The following PAK3 variants were observed in gnomAD, a reference collection of about 807,000 sequenced individuals.
The protein encoded by PAK3 is p21 (RAC1) activated kinase 3.
PAK3 carries 4 observed loss-of-function variants against 41.0 expected under a neutral mutation model. That is an observed-to-expected ratio of 0.10 (90% confidence interval 0.05 to 0.22). The LOEUF is 0.22. Ranked by LOEUF, PAK3 falls within the 10% of genes least tolerant of loss-of-function variation. The probability of loss-of-function intolerance (pLI) is 1.00; values close to 1 mark genes in which losing one functional copy is unlikely to be tolerated. For missense variants in PAK3, 205 were observed against 409.9 expected, an observed-to-expected ratio of 0.50 and a Z score of 4.32; for synonymous variants, 146 against 139.6, an observed-to-expected ratio of 1.05 and a Z score of -0.32.
chrX:111,110,371 T>C (rs755217454), intron 4 of PAK3, among the ~76,000 whole-genome samples: 4 of 111,790 alleles, frequency 3.6e-5, no homozygotes, highest in Non-Finnish European at 7.5e-5. Context: ...GTTCAGATGA[T>C]TGAATATTTG....
chrX:111,057,879 G>C (rs1163296274), intron 1 of PAK3, among the ~76,000 whole-genome samples: 1 of 111,673 alleles, frequency 9.0e-6, no homozygotes, highest in African/African-American at 3.3e-5. Flanking sequence ...TTTACTTTCT[G>C]CCTTTATAGA....
intron 1 of PAK3, among the ~76,000 whole-genome samples, chrX:110,982,250 G>A (rs145829272): frequency 7.4e-4 from 83 of 111,869 alleles, no homozygotes; most frequent in Non-Finnish European, 1.2e-3. Context: ...ATATATTTGA[G>A]TCCACTCCTG....
chrX:111,169,288 A>G (rs958207160), intron 10 of PAK3: 4 of 216,655 alleles, frequency 1.8e-5, no homozygotes, highest in Non-Finnish European at 3.4e-5. Context: ...ACTCAGCACA[A>G]GTGTTACATT....
Position 111,115,009 on chromosome X carries a change from C to T in PAK3, c.-27-8068C>T, listed in dbSNP as rs1277691116. ...CCTTCTTGTGTGGTAAGGGCTGGGC[C>T]CTGTGATCTCAGCTTGGGGGCTTCC... On this transcript the variant is annotated intron_variant, in intron 4 of 17. Transcript: ENST00000372007. 8.0e-5 allele frequency among the ~76,000 whole-genome samples: 9 copies of T among 112,185 alleles called. No individual in the cohort carries two copies. In the East Asian group the frequency reaches 2.3e-3, roughly 28 times the overall value.
intron 1 of PAK3, among the ~76,000 whole-genome samples, chrX:110,962,696 A>T (rs2091004985): frequency 8.9e-6 from 1 of 112,713 alleles, no homozygotes; most frequent in African/African-American, 3.2e-5. Flanking sequence ...CTCTAATTTA[A>T]CTAGGACAGC....
intron 1 of PAK3, among the ~76,000 whole-genome samples, chrX:111,049,153 T>C (rs771862270): frequency 8.9e-6 from 1 of 111,911 alleles, no homozygotes; most frequent in Non-Finnish European, 1.9e-5. Context: ...TCTTTACATG[T>C]GACAGGCTTC....
chrX:111,186,007 C>T (rs913680190), intron 11 of PAK3, among the ~76,000 whole-genome samples: 11 of 111,288 alleles, frequency 9.9e-5, no homozygotes, highest in Admixed American at 1.9e-4. Context: ...AATCAATAAA[C>T]GTAATCCATC....
chrX:111,053,134 T>G (rs2092574248), intron 1 of PAK3, among the ~76,000 whole-genome samples: 1 of 111,735 alleles, frequency 8.9e-6, no homozygotes, highest in East Asian at 2.8e-4. Context: ...CCTTCTTGTA[T>G]TTTTTCTTCC....
chrX:110,974,918 T>G (rs1245992616), intron 1 of PAK3, among the ~76,000 whole-genome samples: 2 of 111,867 alleles, frequency 1.8e-5, no homozygotes, highest in Non-Finnish European at 3.8e-5. Context: ...CAGCACTTCA[T>G]GCTAAAAACT....
In PAK3 at chrX:111,168,014, G is replaced by A. The variant is rs147090298; in HGVS notation, c.766+4287G>A. Among the ~76,000 whole-genome samples, 31 of 111,007 alleles carry A rather than the reference G, an allele frequency of 2.8e-4. No homozygotes were observed. The East Asian group carries it at 8.5e-3, about 31-fold the overall frequency. ...TACTCCTTGCCTCTCACCTCCCTCA[G>A]CATTCCCCACTCAAAACCCTTTTTC... is the stretch of plus-strand genomic sequence containing the variant. On this transcript the variant is annotated intron_variant, in intron 10 of 17. Transcript: ENST00000372007.
chrX:111,083,993 T>A (rs1032688801), intron 1 of PAK3, among the ~76,000 whole-genome samples: 4 of 112,915 alleles, frequency 3.5e-5, no homozygotes, highest in African/African-American at 1.3e-4. Flanking sequence ...GACAGTCAAC[T>A]CTTTCAACCA....
intron 1 of PAK3, among the ~76,000 whole-genome samples, chrX:111,016,667 T>C (rs959355790): frequency 4.7e-5 from 5 of 107,159 alleles, no homozygotes; most frequent in African/African-American, 1.7e-4. Flanking sequence ...TAGACTCTTT[T>C]TGGATGATGT....
At chrX:111,182,721 T>G (rs2094473418) in intron 11 of PAK3, among the ~76,000 whole-genome samples, 1 of 111,166 alleles carries the variant, frequency 9.0e-6, no homozygotes, top group East Asian at 2.8e-4. Flanking sequence ...TCTGTTTTTA[T>G]GTCAGGTGCG....
chrX:111,088,326 C>A (rs917347962), intron 1 of PAK3, among the ~76,000 whole-genome samples: 11 of 111,926 alleles, frequency 9.8e-5, no homozygotes, highest in African/African-American at 3.6e-4. Flanking sequence ...CCAAGGTTAT[C>A]AAACTATAAA....
At chrX:110,947,739 T>C (rs1043204803) in intron 1 of PAK3, among the ~76,000 whole-genome samples, 3 of 112,015 alleles carry the variant, frequency 2.7e-5, no homozygotes, top group Admixed American at 9.5e-5. Flanking sequence ...TTGGGTCTAC[T>C]GGTGTTGAGA....
intron 6 of PAK3, among the ~76,000 whole-genome samples, chrX:111,147,494 T>A (rs2093963441): frequency 9.0e-6 from 1 of 110,880 alleles, no homozygotes; most frequent in Non-Finnish European, 1.9e-5. Context: ...TTTTTTTTTC[T>A]ATCACAGTCA....
intron 16 of PAK3, among the ~76,000 whole-genome samples, chrX:111,202,134 T>C (rs770114400): frequency 3.6e-5 from 4 of 111,525 alleles, no homozygotes; most frequent in Admixed American, 9.6e-5. Context: ...TTTTTCTGTG[T>C]CTCTGTTGTA....
chrX:111,045,318 C>A (rs2148778653), intron 1 of PAK3, among the ~76,000 whole-genome samples: 1 of 112,476 alleles, frequency 8.9e-6, no homozygotes, highest in East Asian at 2.8e-4. Context: ...ATGTTATGGG[C>A]AGATATTGCC....
At chrX:111,088,434 C>G (rs7052364) in intron 1 of PAK3, among the ~76,000 whole-genome samples, 2,144 of 111,756 alleles carry the variant, frequency 0.019, 53 homozygotes, top group African/African-American at 0.066. Flanking sequence ...GTCCTTGTAT[C>G]CAGTACCATT....
Sources: gnomAD v4.1 joint callset for allele counts (sites outside exome capture counted in the v4.1 genomes callset) on GRCh38, gnomAD v4.1.1 for gene constraint, MANE v1.5 for transcripts, NCBI Gene and HGNC (gene_info 2026-07-23, HGNC 2026-07-21) for gene names.